RBM46: variants seen among roughly 807,000 people sequenced by gnomAD.
The protein encoded by RBM46 is RNA binding motif protein 46.
A neutral mutation model predicts 43.3 loss-of-function variants in RBM46; 12 were observed. That is an observed-to-expected ratio of 0.28 (90% CI 0.18 to 0.45). The LOEUF (loss-of-function observed/expected upper bound fraction) is 0.45. Ranked by LOEUF, RBM46 falls within the 20% of genes least tolerant of loss-of-function variation. RBM46 has a pLI of 1.00. For missense variants in RBM46, 412 were observed against 639.1 expected (o/e 0.64, Z 3.83); for synonymous variants, 205 against 207.6 (o/e 0.99, Z 0.11).
intron 1 of RBM46, among the ~76,000 whole-genome samples, chr4:154,790,899 G>T (rs1171028692): frequency 1.3e-5 from 2 of 152,174 alleles, no homozygotes; most frequent in Non-Finnish European, 2.9e-5. Flanking sequence ...TTGATATAGG[G>T]TGGGGCAGAT....
intron 4 of RBM46, among the ~76,000 whole-genome samples, chr4:154,820,985 A>G (rs1230598229): frequency 2.0e-5 from 3 of 151,820 alleles, no homozygotes; most frequent in Non-Finnish European, 3.0e-5. Flanking sequence ...CATGTACTAC[A>G]TCTGTGTCCT....
intron 4 of RBM46, among the ~76,000 whole-genome samples, chr4:154,820,120 A>AT (rs1220050523): frequency 2.6e-5 from 4 of 152,060 alleles, no homozygotes; most frequent in Admixed American, 6.6e-5. Context: ...AGAAAGATAA[A>AT]TTTTTTTCTG....
intron 1 of RBM46, among the ~76,000 whole-genome samples, chr4:154,791,935 C>T (rs772297444): frequency 2.5e-4 from 38 of 151,796 alleles, no homozygotes; most frequent in Admixed American, 4.6e-4. Context: ...AATAGTTTTT[C>T]GGAGAAGGTA....
Position 154,798,765 on chromosome 4 carries a change from T to G in RBM46, c.620-17T>G. 1 of 1,360,320 alleles carries G rather than the reference T, an allele frequency of 7.4e-7. No homozygotes were observed. Among genetic ancestry groups the G allele is most frequent in the South Asian group, 1.7e-5 (1 of 58,392 alleles). 84.3% of individuals were successfully genotyped at this position (1,360,320 alleles called of 1,614,324 possible). A position where few individuals can be genotyped will look rare whatever the true frequency, so the allele number is the denominator to read the frequency against. On this transcript the variant is annotated splice_polypyrimidine_tract_variant and intron_variant, in intron 3 of 4. Coordinates refer to ENST00000281722, the MANE Select transcript of RBM46 (RefSeq NM_144979.5). ...CTTTATTTTAATTCTCTTCAAATTA[T>G]TATTTTTTTTTTACAGGAACATTCC...
chr4:154,823,963 T>C (rs1299827815), intron 4 of RBM46, among the ~76,000 whole-genome samples: 1 of 152,074 alleles, frequency 6.6e-6, no homozygotes, highest in African/African-American at 2.4e-5. Flanking sequence ...AAGGTTAAGC[T>C]TATTTGCTGT....
At chr4:154,783,136 T>C (rs1252527653) in intron 1 of RBM46, among the ~76,000 whole-genome samples, 3 of 152,212 alleles carry the variant, frequency 2.0e-5, no homozygotes, top group African/African-American at 7.2e-5. Flanking sequence ...TTTGCATCTT[T>C]ATAGACATAA....
chr4:154,825,095 T>C (rs889380971), intron 4 of RBM46, among the ~76,000 whole-genome samples: 2 of 152,070 alleles, frequency 1.3e-5, no homozygotes, highest in African/African-American at 4.8e-5. Context: ...ATTCTGAAAT[T>C]GGCTCTGTAT....
intron 4 of RBM46, among the ~76,000 whole-genome samples, chr4:154,814,966 G>T (rs980964874): frequency 7.3e-5 from 11 of 151,714 alleles, no homozygotes; most frequent in Admixed American, 2.6e-4. Flanking sequence ...CCGAGGTAAA[G>T]ACATAAAATA....
intron 4 of RBM46, among the ~76,000 whole-genome samples, chr4:154,825,073 T>G (rs1735895803): frequency 6.6e-6 from 1 of 152,098 alleles, no homozygotes; most frequent in Non-Finnish European, 1.5e-5. Flanking sequence ...TAACACTTAG[T>G]GTAAAACTTA....
intron 4 of RBM46, among the ~76,000 whole-genome samples, chr4:154,819,321 T>C (rs187625454): frequency 2.8e-4 from 42 of 152,294 alleles, no homozygotes; most frequent in African/African-American, 8.9e-4. Context: ...TCATTCCTTG[T>C]TAGTAGCTCT....
chr4:154,785,125 C>T (rs958026972), intron 1 of RBM46, among the ~76,000 whole-genome samples: 4 of 151,652 alleles, frequency 2.6e-5, no homozygotes, highest in African/African-American at 9.7e-5. Flanking sequence ...ATTGGTGACT[C>T]TTCAGTGTGT....
At chr4:154,822,722 C>T (rs1403558021) in intron 4 of RBM46, among the ~76,000 whole-genome samples, 1 of 151,400 alleles carries the variant, frequency 6.6e-6, no homozygotes, top group Admixed American at 6.6e-5. Flanking sequence ...ATACAGATCT[C>T]ATAGGTATCT....
At chr4:154,817,993 A>G (rs1735538392) in intron 4 of RBM46, among the ~76,000 whole-genome samples, 1 of 152,130 alleles carries the variant, frequency 6.6e-6, no homozygotes, top group Non-Finnish European at 1.5e-5. Context: ...AGATAATACA[A>G]GGAACTTAGT....
chr4:154,786,142 A>G (rs1433851498), intron 1 of RBM46, among the ~76,000 whole-genome samples: 3 of 152,214 alleles, frequency 2.0e-5, no homozygotes, highest in African/African-American at 2.4e-5. Context: ...GCTGGAATGC[A>G]GTGGCACGAT....
Position 154,796,917 on chromosome 4 carries a change from TAC to T in RBM46, c.151+16_151+17del, listed in dbSNP as rs751268437. On this transcript the variant is annotated intron_variant, in intron 2 of 4. Transcript: ENST00000281722. ...GTCCTCCTCCAGGTGTGGATTTGTT[TAC>T]AGTCTTTTAAATTTAATCTTTAACC... 1.7e-5 allele frequency: 27 copies of T among 1,605,598 alleles called. No homozygotes were observed. In the African/African-American group the frequency reaches 3.5e-4, roughly 21 times the overall value.
intron 1 of RBM46, among the ~76,000 whole-genome samples, chr4:154,786,368 C>T (rs535175449): frequency 7.2e-5 from 11 of 152,154 alleles, no homozygotes; most frequent in Admixed American, 6.5e-4. Context: ...GGATTACAGG[C>T]GTGAGCCACC....
Position 154,828,680 on chromosome 4 carries a change from T to C in RBM46, c.*613T>C, listed in dbSNP as rs1391001913. ...TTGTTGTTAATGTATTTAAGCATTTTATAGTTATGCTTTGTGTTTTTGATA... is the reference window on the plus strand; with the variant it reads ...TTGTTGTTAATGTATTTAAGCATTTCATAGTTATGCTTTGTGTTTTTGATA... On this transcript the variant is annotated 3_prime_UTR_variant, in exon 5 of 5. Coordinates refer to ENST00000281722, the MANE Select transcript of RBM46 (RefSeq NM_144979.5). 1 of 152,668 alleles carries C rather than the reference T, an allele frequency of 6.6e-6. No individual in the cohort carries two copies. The highest frequency in any genetic ancestry group is 2.4e-5 in the African/African-American group (1 of 41,462). 9.5% of individuals were successfully genotyped at this position (152,668 alleles called of 1,614,324 possible).
intron 1 of RBM46, among the ~76,000 whole-genome samples, chr4:154,793,889 C>A (rs549781123): frequency 3.0e-4 from 45 of 152,218 alleles, no homozygotes; most frequent in African/African-American, 1.1e-3. Flanking sequence ...CTTGCCAGAG[C>A]CTTGTAAAAG....
At chr4:154,800,293 AG>A (rs1415954909) in intron 4 of RBM46, among the ~76,000 whole-genome samples, 1 of 152,160 alleles carries the variant, frequency 6.6e-6, no homozygotes, top group Non-Finnish European at 1.5e-5. Context: ...GGCAGGGGAT[AG>A]GGAGTTAGTA....
Sources: allele counts gnomAD v4.1 joint callset (sites outside exome capture counted in the v4.1 genomes callset), GRCh38; gene constraint gnomAD v4.1.1; transcripts MANE v1.5; gene names NCBI Gene and HGNC (gene_info 2026-07-23, HGNC 2026-07-21).